Variants in RBPMS observed in about 807,000 individuals in gnomAD.
The protein encoded by RBPMS is RNA binding protein, mRNA processing factor.
RBPMS carries 7 observed loss-of-function variants against 26.8 expected under a neutral mutation model. That is an observed-to-expected ratio of 0.26 (90% CI 0.15 to 0.49). RBPMS has a LOEUF of 0.49. Ranked by LOEUF, RBPMS falls within the 20% of genes least tolerant of loss-of-function variation. The probability of loss-of-function intolerance (pLI) is 0.98; values close to 1 mark genes in which losing one functional copy is unlikely to be tolerated. For missense variants in RBPMS, 186 were observed against 250.0 expected (o/e 0.74, Z 1.73); for synonymous variants, 96 against 93.3 (o/e 1.03, Z -0.17).
intron 1 of RBPMS, among the ~76,000 whole-genome samples, chr8:30,457,225 A>G (rs1195915948): frequency 6.6e-6 from 1 of 152,176 alleles, no homozygotes; most frequent in Non-Finnish European, 1.5e-5. Flanking sequence ...ACTGCCCGAG[A>G]TGTTTGAAAT....
At chr8:30,492,196 C>G (rs1819474170) in intron 4 of RBPMS, among the ~76,000 whole-genome samples, 1 of 152,180 alleles carries the variant, frequency 6.6e-6, no homozygotes, top group Non-Finnish European at 1.5e-5. Context: ...CCAGCCGACA[C>G]ACTTGTTTTT....
chr8:30,500,435 T>C (rs1397495551), intron 4 of RBPMS, among the ~76,000 whole-genome samples: 1 of 152,026 alleles, frequency 6.6e-6, no homozygotes, highest in Non-Finnish European at 1.5e-5. Context: ...TTTTTCTAAA[T>C]GAGTCATTCC....
chr8:30,451,540 C>T (rs1461307240), intron 1 of RBPMS, among the ~76,000 whole-genome samples: 1 of 152,192 alleles, frequency 6.6e-6, no homozygotes, highest in Admixed American at 6.5e-5. Context: ...CTGTCCCCTG[C>T]ACCCCAAACA....
intron 1 of RBPMS, among the ~76,000 whole-genome samples, chr8:30,464,301 C>T (rs532942279): frequency 1.3e-5 from 2 of 152,256 alleles, no homozygotes; most frequent in African/African-American, 4.8e-5. Context: ...TACTGGGATG[C>T]TCACCATCAT....
chr8:30,443,362 G>A (rs148777971), intron 1 of RBPMS, among the ~76,000 whole-genome samples: 1 of 152,098 alleles, frequency 6.6e-6, no homozygotes, highest in African/African-American at 2.4e-5. Flanking sequence ...AAAACAAAAG[G>A]TTGCGTAGTA....
intron 4 of RBPMS, among the ~76,000 whole-genome samples, chr8:30,494,626 C>T (rs545717035): frequency 3.8e-4 from 58 of 152,320 alleles, no homozygotes; most frequent in African/African-American, 1.4e-3. Context: ...GTGTAAGCCT[C>T]TTGTTCCTGG....
rs58763494 is a variant in RBPMS, at chr8:30,518,687, CTTTTTTTTTTTTTT to C, written c.397+14266_397+14279del. Among the ~76,000 whole-genome samples the C allele has an allele frequency of 8.8e-4, 16 of 18,236 alleles. 1 individual carries two copies. The highest frequency in any genetic ancestry group is 0.011 in the South Asian group (2 of 186). 12.0% of individuals were successfully genotyped at this position (18,236 alleles called of 152,430 possible). On this transcript the variant is annotated intron_variant, in intron 5 of 8. Coordinates refer to ENST00000397323, the MANE Select transcript of RBPMS (RefSeq NM_001008710.3). ...CAGTGATCCGCCCGGCCAAGCATGA[CTTTTTTTTTTTTTT>C]TTTTTTTTTTTTTTCTGAAAAGGAG...
chr8:30,551,170 G>A (rs1288809747), intron 6 of RBPMS, among the ~76,000 whole-genome samples: 5 of 144,222 alleles, frequency 3.5e-5, no homozygotes, highest in Admixed American at 1.5e-4. Context: ...CACCTCTTCC[G>A]TCATTTGCAG....
intron 4 of RBPMS, among the ~76,000 whole-genome samples, chr8:30,484,272 TTGAC>T: frequency 6.6e-6 from 1 of 152,348 alleles, no homozygotes; most frequent in East Asian, 1.9e-4. Context: ...TAAATGCTGT[TTGAC>T]TGATTTTAAT....
chr8:30,528,090 G>A (rs1461337060), intron 5 of RBPMS, among the ~76,000 whole-genome samples: 1 of 151,902 alleles, frequency 6.6e-6, no homozygotes, highest in Non-Finnish European at 1.5e-5. Context: ...CAGGAGAATC[G>A]CTTGAACCCG....
rs34304126 is a variant in RBPMS, at chr8:30,458,988, A to AG, written c.67-15790dup. On this transcript the variant is annotated intron_variant, in intron 1 of 8. Coordinates refer to ENST00000397323, the MANE Select transcript of RBPMS (RefSeq NM_001008710.3). ...CTTTTTTTTTTTTTTTTTGAGACGG[A>AG]GTCTCACTCTTGTCACCCAAGCTGG... Among the ~76,000 whole-genome samples, 1,122 of 132,966 alleles carry AG rather than the reference A, an allele frequency of 8.4e-3. 5 individuals carry two copies. The highest frequency in any genetic ancestry group is 0.013 in the Non-Finnish European group (809 of 64,334). The allele number at this position is 132,966 out of a possible 152,430, so 87.2% of individuals were successfully genotyped here. A position where few individuals can be genotyped will look rare whatever the true frequency, so the allele number is the denominator to read the frequency against.
chr8:30,511,511 A>T (rs1821676916), intron 5 of RBPMS, among the ~76,000 whole-genome samples: 1 of 6,942 alleles, frequency 1.4e-4, no homozygotes, highest in Non-Finnish European at 6.0e-4. Flanking sequence ...ATATATATAT[A>T]TATATATATA....
At chr8:30,390,094 A>T (rs1480924562) in intron 1 of RBPMS, among the ~76,000 whole-genome samples, 4 of 152,210 alleles carry the variant, frequency 2.6e-5, no homozygotes, top group Non-Finnish European at 5.9e-5. Context: ...ACCAAACATT[A>T]ATTGTATCTA....
At chr8:30,485,353 T>A (rs1340554966) in intron 4 of RBPMS, among the ~76,000 whole-genome samples, 2 of 152,190 alleles carry the variant, frequency 1.3e-5, no homozygotes, top group African/African-American at 4.8e-5. Flanking sequence ...ATGTTTCTTA[T>A]CAGTTTTGAA....
intron 6 of RBPMS, among the ~76,000 whole-genome samples, chr8:30,553,975 A>G (rs1826614125): frequency 6.6e-6 from 1 of 152,092 alleles, no homozygotes; most frequent in Admixed American, 6.5e-5. Context: ...ATGGGGTTTC[A>G]CCATAATAGC....
chr8:30,568,117 A>C (rs995718134), intron 8 of RBPMS, among the ~76,000 whole-genome samples: 1 of 152,216 alleles, frequency 6.6e-6, no homozygotes, highest in East Asian at 1.9e-4. Context: ...TTACAAATTA[A>C]TATCAGTACC....
intron 5 of RBPMS, among the ~76,000 whole-genome samples, chr8:30,533,702 T>C (rs1013698063): frequency 3.9e-5 from 6 of 152,238 alleles, no homozygotes; most frequent in African/African-American, 1.4e-4. Context: ...GAATAAGTAC[T>C]CATTACTCAA....
intron 1 of RBPMS, among the ~76,000 whole-genome samples, chr8:30,462,237 G>A (rs1027757214): frequency 3.3e-5 from 5 of 152,100 alleles, no homozygotes; most frequent in African/African-American, 9.7e-5. Context: ...CAATATATGT[G>A]AAAGATTCTG....
intron 7 of RBPMS, chr8:30,564,913 G>C (rs1315979128): frequency 6.6e-6 from 1 of 152,166 alleles, no homozygotes; most frequent in Non-Finnish European, 1.5e-5. Context: ...GGACATGGAG[G>C]AGAGGGAGGG....
Sources: gnomAD v4.1 joint callset for allele counts (sites outside exome capture counted in the v4.1 genomes callset) on GRCh38, gnomAD v4.1.1 for gene constraint, MANE v1.5 for transcripts, NCBI Gene and HGNC (gene_info 2026-07-23, HGNC 2026-07-21) for gene names.